The following SLFN5 variants were observed in gnomAD, a reference collection of about 807,000 sequenced individuals.
SLFN5 encodes the protein schlafen family member 5.
A neutral mutation model predicts 48.5 loss-of-function variants in SLFN5; 34 were observed. That is an observed-to-expected ratio of 0.70 (90% CI 0.53 to 0.93). The LOEUF (loss-of-function observed/expected upper bound fraction) is 0.93, where lower values mean the gene tolerates loss of function less well. Among genes scored for constraint, SLFN5 ranks in the 40% least tolerant of loss-of-function variants. SLFN5 has a pLI of 0.00. For synonymous variants in SLFN5, 387 were observed against 396.2 expected (o/e 0.98, Z 0.28); for missense variants, 1,006 against 1,071.3 (o/e 0.94, Z 0.85).
chr17:35,248,272 A>G (rs1323612051), intron 1 of SLFN5, among the ~76,000 whole-genome samples: 1 of 152,180 alleles, frequency 6.6e-6, no homozygotes, highest in East Asian at 1.9e-4. Context: ...AAAAGTAGGA[A>G]TAAGATTTCT....
chr17:35,248,408 A>G (rs1356341464), intron 1 of SLFN5, among the ~76,000 whole-genome samples: 2 of 152,144 alleles, frequency 1.3e-5, no homozygotes, highest in Non-Finnish European at 1.5e-5. Context: ...CACTTAAACA[A>G]CAACAAACTA....
rs1006790886 is a variant in SLFN5 at position 35,264,846 on chromosome 17, G to A, written c.1802G>A (p.Cys601Tyr). 2.5e-6 allele frequency: 4 copies of A among 1,593,914 alleles called. No homozygotes were observed. In the Admixed American group the frequency reaches 5.4e-5, roughly 21 times the overall value. Residue 601 changes from cysteine to tyrosine, a missense_variant, in exon 4 of 5, where the codon TGT becomes TAT. Transcript: ENST00000299977. The part of the protein sequence containing the change: ...IMEKIRNVFH[C>Y]EPANILYICE... The stretch of plus-strand genomic sequence containing the variant: ...GAGAAGATCAGGAATGTGTTTCACT[G>A]TGAACCGGCTAACATTCTCTACATC...
chr17:35,255,415 T>A (rs1044574022), intron 1 of SLFN5, among the ~76,000 whole-genome samples: 5 of 152,256 alleles, frequency 3.3e-5, no homozygotes, highest in African/African-American at 1.2e-4. Flanking sequence ...AAACACTGAA[T>A]CTGCTTTTAG....
intron 1 of SLFN5, among the ~76,000 whole-genome samples, chr17:35,247,958 C>T (rs2092434460): frequency 1.3e-5 from 2 of 152,236 alleles, no homozygotes; most frequent in South Asian, 4.1e-4. Flanking sequence ...TGGTTTTCTG[C>T]CTACTGAGGG....
In SLFN5 at chr17:35,265,975, C is replaced by T; in HGVS notation, c.*87C>T. Reference sequence around the variant, plus strand: ...TTTAATCCAAACATGTAAGCACACACTCACTTATTAAGTCACATACTTTTC... The same window carrying T: ...TTTAATCCAAACATGTAAGCACACATTCACTTATTAAGTCACATACTTTTC... On this transcript the variant is annotated 3_prime_UTR_variant, in exon 5 of 5. Coordinates refer to ENST00000299977, the MANE Select transcript of SLFN5 (RefSeq NM_144975.4). 1 of 1,361,318 alleles carries T rather than the reference C, an allele frequency of 7.3e-7. No individual in the cohort carries two copies. Among genetic ancestry groups the T allele is most frequent in the Non-Finnish European group, 9.9e-7 (1 of 1,006,752 alleles). 84.3% of individuals were successfully genotyped at this position (1,361,318 alleles called of 1,614,324 possible). A position where few individuals can be genotyped will look rare whatever the true frequency, so the allele number is the denominator to read the frequency against.
Position 35,260,267 on chromosome 17 carries a change from T to C in SLFN5, c.1012+565T>C, listed in dbSNP as rs368567808. Among the ~76,000 whole-genome samples the C allele has an allele frequency of 3.9e-5, 6 of 152,234 alleles. No individual in the cohort carries two copies. The East Asian group carries it at 9.6e-4, about 24-fold the overall frequency. On this transcript the variant is annotated intron_variant, in intron 2 of 4. Transcript: ENST00000299977. ...GAGGATGGTTGGTGACATGCATCTA[T>C]CCTGGAAAAGGAAAGCCTGAGATAA...
Position 35,265,106 on chromosome 17 carries a change from C to T in SLFN5, c.1894C>T (p.Arg632Trp), listed in dbSNP as rs377005010. The T allele has an allele frequency of 1.8e-3, 2,900 of 1,613,058 alleles. 70 individuals carry two copies. In the South Asian group the frequency reaches 0.03, roughly 16 times the overall value. ...SKKNICQPVT[R>W]KTFMKNNFEH... ...GAAAAACATCTGCCAGCCAGTGACC[C>T]GGAAAACCTTCATGAAAAACAACTT... The change falls in exon 5 of 5, where the codon CGG (arginine) becomes TGG (tryptophan). Residue 632 changes from arginine to tryptophan, a missense_variant. Arg to Trp is a moderately radical substitution (Grantham distance 101). Transcript: ENST00000299977.
Position 35,261,075 on chromosome 17 carries a change from C to T in SLFN5, c.1117C>T (p.Gln373Ter), listed in dbSNP as rs1904506812. The change falls in exon 3 of 5, where the codon CAG becomes TAG. Residue 373 changes from glutamine to a stop codon, truncating the protein, a stop_gained. Transcript: ENST00000299977. LOFTEE classifies it high-confidence loss of function. Reference protein sequence around the residue: ...IHKNSECLKEQQKRYFPVFSD... With the variant: ...IHKNSECLKE ...TAAGAATTCGGAATGTCTGAAAGAG[C>T]AGCAGAAACGCTACTTTCCAGGTAA... 5 of 1,613,356 alleles carry T rather than the reference C, an allele frequency of 3.1e-6. No individual in the cohort carries two copies. Among genetic ancestry groups the T allele is most frequent in the Non-Finnish European group, 4.2e-6 (5 of 1,179,472 alleles).
At chr17:35,253,155 G>A in intron 1 of SLFN5, among the ~76,000 whole-genome samples, 1 of 151,790 alleles carries the variant, frequency 6.6e-6, no homozygotes, top group Admixed American at 6.6e-5. Context: ...TGGTAGCGGG[G>A]GTGTATATGC....
intron 1 of SLFN5, among the ~76,000 whole-genome samples, chr17:35,254,407 T>A (rs2092449989): frequency 6.6e-6 from 1 of 152,176 alleles, no homozygotes; most frequent in Non-Finnish European, 1.5e-5. Context: ...CAGGGGATTT[T>A]TAAACTTCCT....
At position 35,267,337 on chromosome 17, in the gene SLFN5, A is replaced by T. The variant is rs990118333; in HGVS notation, c.*1449A>T. The T allele has an allele frequency of 1.1e-4, 16 of 152,194 alleles. No homozygotes were observed. Among genetic ancestry groups the T allele is most frequent in the African/African-American group, 3.9e-4 (16 of 41,430 alleles). 9.4% of individuals were successfully genotyped at this position (152,194 alleles called of 1,614,324 possible). A position where few individuals can be genotyped will look rare whatever the true frequency, so the allele number is the denominator to read the frequency against. On this transcript the variant is annotated 3_prime_UTR_variant, in exon 5 of 5. Transcript: ENST00000299977. Reference sequence around the variant, plus strand: ...ACCCAAAAATTTACCAGCAACAGAGAAGCAAAGAATGGAGTTCAACCTTAC... The same window carrying T: ...ACCCAAAAATTTACCAGCAACAGAGTAGCAAAGAATGGAGTTCAACCTTAC...
chr17:35,249,986 T>G (rs1461420160), intron 1 of SLFN5, among the ~76,000 whole-genome samples: 1 of 152,074 alleles, frequency 6.6e-6, no homozygotes, highest in African/African-American at 2.4e-5. Flanking sequence ...TCCATAGAAG[T>G]CAGACGCAAA....
intron 1 of SLFN5, among the ~76,000 whole-genome samples, chr17:35,253,362 C>CTCTG (rs1187499709): frequency 6.6e-6 from 1 of 151,610 alleles, no homozygotes; most frequent in Non-Finnish European, 1.5e-5. Flanking sequence ...GTATAGCACT[C>CTCTG]TCTCTCTCTC....
At chr17:35,245,799 C>G (rs1217328950) in intron 1 of SLFN5, among the ~76,000 whole-genome samples, 2 of 150,460 alleles carry the variant, frequency 1.3e-5, no homozygotes, top group African/African-American at 4.9e-5. Flanking sequence ...TATGAACATT[C>G]ATGCACAAGT....
chr17:35,262,827 G>T (rs1037169057), intron 3 of SLFN5, among the ~76,000 whole-genome samples: 3 of 152,090 alleles, frequency 2.0e-5, no homozygotes, highest in African/African-American at 7.2e-5. Flanking sequence ...TCATACCATT[G>T]TACCCCAGTT....
In SLFN5 at chr17:35,265,441, G is replaced by T; in HGVS notation, c.2229G>T (p.Val743=). 6.2e-7 allele frequency: 1 copy of T among 1,614,224 alleles called. No individual in the cohort carries two copies. The highest frequency in any genetic ancestry group is 1.1e-5 in the South Asian group (1 of 91,082). ...CTAACCTCCCCCCTGGGTCCCTGGT[G>T]ATGCTCTATGAACCTAAATGGGCTC... The part of the protein sequence containing the change: ...PPPNLPPGSL[V]MLYEPKWAQG... Residue 743 remains valine (V), a synonymous_variant, in exon 5 of 5, where the codon GTG becomes GTT. Transcript: ENST00000299977.
rs1904747461 is a variant in SLFN5 at position 35,268,133 on chromosome 17, A to G, written c.*2245A>G. On this transcript the variant is annotated 3_prime_UTR_variant, in exon 5 of 5. Coordinates refer to ENST00000299977, the MANE Select transcript of SLFN5 (RefSeq NM_144975.4). Reference sequence around the variant, plus strand: ...CGAGGGCCTCATCTCACACCAGATCATATCAGGCTACACAAAAGTAGATGG... The same window carrying G: ...CGAGGGCCTCATCTCACACCAGATCGTATCAGGCTACACAAAAGTAGATGG... The G allele has an allele frequency of 6.6e-6, 1 of 152,246 alleles. No homozygotes were observed. The highest frequency in any genetic ancestry group is 1.5e-5 in the Non-Finnish European group (1 of 68,090). 9.4% of individuals were successfully genotyped at this position (152,246 alleles called of 1,614,324 possible).
At position 35,264,285 on chromosome 17, in the gene SLFN5, T is replaced by C. The variant is rs150548019; in HGVS notation, c.1241T>C (p.Phe414Ser). ...RDLINTEMRP[F>S]SQGILIFSQS... ...TTAATAAATACAGAAATGCGCCCTT[T>C]CTCTCAAGGAATATTGATTTTTTCT... is the stretch of plus-strand genomic sequence containing the variant. The change falls in exon 4 of 5, where the codon TTC (phenylalanine) becomes TCC (serine). Residue 414 changes from phenylalanine to serine, a missense_variant. By Grantham distance (155) the Phe-to-Ser change is radical. Transcript: ENST00000299977. 1 of 1,614,026 alleles carries C rather than the reference T, an allele frequency of 6.2e-7. No individual in the cohort carries two copies.
chr17:35,259,210 G>A lies in SLFN5; in HGVS notation c.520G>A (p.Ala174Thr), dbSNP rs1287469967. The change falls in exon 2 of 5, where the codon GCT becomes ACT. Residue 174 changes from alanine (A) to threonine (T), a missense_variant. Ala to Thr is a moderately conservative substitution (Grantham distance 58). Coordinates refer to ENST00000299977, the MANE Select transcript of SLFN5 (RefSeq NM_144975.4). ...YEGNINVSAA[A>T]LFDRKRLQYL... ...AGGTAACATAAATGTGTCAGCTGCT[G>A]CTTTATTTGATAGAAAGCGGCTTCA... 2 of 1,614,118 alleles carry A rather than the reference G, an allele frequency of 1.2e-6. No individual in the cohort carries two copies. The highest frequency in any genetic ancestry group is 1.7e-5 in the Admixed American group (1 of 60,030).
Sources: allele counts gnomAD v4.1 joint callset (sites outside exome capture counted in the v4.1 genomes callset), GRCh38; gene constraint gnomAD v4.1.1; transcripts MANE v1.5; gene names NCBI Gene and HGNC (gene_info 2026-07-23, HGNC 2026-07-21).